Variants in THSD4 observed in about 807,000 individuals in gnomAD.
THSD4 encodes thrombospondin type 1 domain containing 4.
In THSD4, 69 loss-of-function variants were observed where a neutral mutation model predicts 119.0. The ratio of observed to expected loss-of-function variants is 0.58; its 90% CI spans 0.48 to 0.71. THSD4 has a LOEUF of 0.71. Ranked by LOEUF, THSD4 falls within the 30% of genes least tolerant of loss-of-function variation. The probability of loss-of-function intolerance (pLI) is 0.00; values close to 1 mark genes in which losing one functional copy is unlikely to be tolerated. For missense variants in THSD4, 1,393 were observed against 1,391.1 expected (o/e 1.00, Z -0.02); for synonymous variants, 524 against 540.4 (o/e 0.97, Z 0.42).
At chr15:71,318,131 G>T (rs993948344) in intron 6 of THSD4, among the ~76,000 whole-genome samples, 19 of 152,120 alleles carry the variant, frequency 1.2e-4, no homozygotes, top group Non-Finnish European at 1.8e-4. Flanking sequence ...TAATCTGCTT[G>T]GTCCGCCTTT....
rs977009368 is a variant in THSD4, at chr15:71,401,309, C to T, written c.1016-10378C>T. On this transcript the variant is annotated intron_variant, in intron 6 of 17. Transcript: ENST00000261862. ...TTGAATAGAGATGGGAGGGACCTCC[C>T]ATTATTAATAACTGCACAGAAGGAT... Among the ~76,000 whole-genome samples, 6 of 152,260 alleles carry T rather than the reference C, an allele frequency of 3.9e-5. 1 individual carries two copies. Among genetic ancestry groups the T allele is most frequent in the Non-Finnish European group, 8.8e-5 (6 of 68,030 alleles).
chr15:71,296,690 T>C (rs2044867408), intron 6 of THSD4, among the ~76,000 whole-genome samples: 1 of 152,252 alleles, frequency 6.6e-6, no homozygotes, highest in African/African-American at 2.4e-5. Flanking sequence ...CAGGTTTTTA[T>C]GTGTTATCAC....
At chr15:71,527,121 G>A (rs1366060970) in intron 7 of THSD4, among the ~76,000 whole-genome samples, 2 of 151,862 alleles carry the variant, frequency 1.3e-5, no homozygotes, top group Non-Finnish European at 2.9e-5. Context: ...AGCCTTTTTT[G>A]CCCTTCTGCC....
chr15:71,436,866 C>T (rs1044693680), intron 7 of THSD4, among the ~76,000 whole-genome samples: 2 of 152,090 alleles, frequency 1.3e-5, no homozygotes, highest in Non-Finnish European at 2.9e-5. Context: ...TTGGAGAACA[C>T]GCAGTGACCT....
At chr15:71,268,888 A>G (rs1462754483) in intron 6 of THSD4, among the ~76,000 whole-genome samples, 2 of 152,162 alleles carry the variant, frequency 1.3e-5, no homozygotes, top group Admixed American at 6.5e-5. Flanking sequence ...TCCTGGATGA[A>G]TACACCCTTC....
chr15:71,548,747 C>T (rs1230513792), intron 7 of THSD4, among the ~76,000 whole-genome samples: 1 of 152,144 alleles, frequency 6.6e-6, no homozygotes, highest in African/African-American at 2.4e-5. Context: ...TCGCAATTTC[C>T]CTGTTGATTT....
chr15:71,466,483 C>T (rs1468820919), intron 7 of THSD4, among the ~76,000 whole-genome samples: 1 of 152,184 alleles, frequency 6.6e-6, no homozygotes, highest in Non-Finnish European at 1.5e-5. Context: ...GGACATGCTC[C>T]AAGACATCAT....
At chr15:71,197,222 A>T (rs1327054437) in intron 3 of THSD4, among the ~76,000 whole-genome samples, 3 of 152,120 alleles carry the variant, frequency 2.0e-5, no homozygotes, top group East Asian at 3.9e-4. Context: ...CATGGCCAAC[A>T]CTCAGCACAG....
chr15:71,745,006 G>A lies in THSD4; in HGVS notation c.1907-100G>A, dbSNP rs1326568678. The A allele has an allele frequency of 2.1e-5, 31 of 1,461,920 alleles. No individual in the cohort carries two copies. The Admixed American group carries it at 5.6e-4, about 27-fold the overall frequency. The allele number at this position is 1,461,920 out of a possible 1,614,324, so 90.6% of individuals were successfully genotyped here. A position where few individuals can be genotyped will look rare whatever the true frequency, so the allele number is the denominator to read the frequency against. ...TGTGAATTGTCCTCACTGTTTCTGT[G>A]CCCTCTCTTCATCAGCACCCGAATC... On this transcript the variant is annotated intron_variant, in intron 11 of 17. Transcript: ENST00000261862.
At chr15:71,273,742 A>C (rs1239882445) in intron 6 of THSD4, among the ~76,000 whole-genome samples, 1 of 152,200 alleles carries the variant, frequency 6.6e-6, no homozygotes, top group Non-Finnish European at 1.5e-5. Context: ...GGAATCCTCT[A>C]ATAGGTCAGA....
At chr15:71,628,052 G>A (rs577664154) in intron 7 of THSD4, among the ~76,000 whole-genome samples, 3 of 152,202 alleles carry the variant, frequency 2.0e-5, no homozygotes, top group African/African-American at 7.2e-5. Flanking sequence ...CACACAGTAG[G>A]ATCACCTGGG....
chr15:71,149,197 C>T (rs937201153), intron 2 of THSD4, among the ~76,000 whole-genome samples: 1 of 151,958 alleles, frequency 6.6e-6, no homozygotes, highest in African/African-American at 2.4e-5. Context: ...TAACTGTTGT[C>T]AGAAGAAGGC....
intron 8 of THSD4, among the ~76,000 whole-genome samples, chr15:71,668,240 G>A (rs895552250): frequency 6.6e-6 from 1 of 152,144 alleles, no homozygotes; most frequent in East Asian, 1.9e-4. Context: ...ATACTAAAGC[G>A]ATTTAACTAA....
At chr15:71,123,692 A>G (rs191311454) in intron 1 of THSD4, among the ~76,000 whole-genome samples, 1 of 152,322 alleles carries the variant, frequency 6.6e-6, no homozygotes, top group African/African-American at 2.4e-5. Context: ...ATTGGTGGGA[A>G]TTCAGAAAGA....
chr15:71,686,664 G>A (rs765687955), intron 8 of THSD4, among the ~76,000 whole-genome samples: 9 of 152,198 alleles, frequency 5.9e-5, no homozygotes, highest in Non-Finnish European at 1.2e-4. Flanking sequence ...TGGGGGAAGG[G>A]GAAGTCAGTA....
intron 14 of THSD4, among the ~76,000 whole-genome samples, chr15:71,749,597 A>G (rs1223243907): frequency 6.6e-6 from 1 of 152,112 alleles, no homozygotes; most frequent in Non-Finnish European, 1.5e-5. Flanking sequence ...TTACCTGTGA[A>G]CCGCATTAAA....
chr15:71,375,354 G>C (rs1353831500), intron 6 of THSD4, among the ~76,000 whole-genome samples: 1 of 152,128 alleles, frequency 6.6e-6, no homozygotes, highest in African/African-American at 2.4e-5. Flanking sequence ...GCTTTCCTCT[G>C]AGCAGCCTTT....
At chr15:71,411,340 T>C (rs1159119455) in intron 6 of THSD4, among the ~76,000 whole-genome samples, 1 of 152,074 alleles carries the variant, frequency 6.6e-6, no homozygotes, top group Non-Finnish European at 1.5e-5. Context: ...TTAAAAAGTG[T>C]GTGATTATGA....
intron 8 of THSD4, among the ~76,000 whole-genome samples, chr15:71,661,401 ATTTT>A (rs397797003): frequency 6.7e-6 from 1 of 148,946 alleles, no homozygotes; most frequent in Non-Finnish European, 1.5e-5. Flanking sequence ...TTATTTATTT[ATTTT>A]TTTTTTTTGA....
Sources: allele counts gnomAD v4.1 joint callset (sites outside exome capture counted in the v4.1 genomes callset), GRCh38; gene constraint gnomAD v4.1.1; transcripts MANE v1.5; gene names NCBI Gene and HGNC (gene_info 2026-07-23, HGNC 2026-07-21).